Variants in ZNF518A observed in about 807,000 individuals in gnomAD.
The protein encoded by ZNF518A is zinc finger protein 518.
In ZNF518A, 47 loss-of-function variants were observed where a neutral mutation model predicts 102.7. That is an observed-to-expected ratio of 0.46 (90% CI 0.36 to 0.58). The LOEUF (loss-of-function observed/expected upper bound fraction) is 0.58, where lower values mean the gene tolerates loss of function less well. ZNF518A is among the 20% of genes least tolerant of loss of function. The probability of loss-of-function intolerance (pLI) is 0.00; values close to 1 mark genes in which losing one functional copy is unlikely to be tolerated. For synonymous variants in ZNF518A, 652 were observed against 594.6 expected (o/e 1.10, Z -1.40); for missense variants, 1,793 against 1,699.8 (o/e 1.05, Z -0.96).
In ZNF518A at chr10:96,156,726, T is replaced by G; in HGVS notation, c.404T>G (p.Leu135Trp). 1.9e-6 allele frequency: 3 copies of G among 1,613,908 alleles called. No homozygotes were observed. The highest frequency in any genetic ancestry group is 2.5e-6 in the Non-Finnish European group (3 of 1,179,812). The change falls in exon 6 of 6, where the codon TTG (leucine) becomes TGG (tryptophan). Residue 135 changes from leucine to tryptophan, a missense_variant. Around this residue, in one of 3 missense-constraint regions of ZNF518A, gnomAD observed 1,741 missense variants for 1,622.6 expected, o/e 1.07. Transcript: ENST00000316045. ...AACACTCGATATAGCCCAAATGATT[T>G]GCAGAAACACTTTCAAATGTGGCAC... ...RDNTRYSPND[L>W]QKHFQMWHHG...
At chr10:96,177,361 A>C (rs1418301492) in intron 1 of ZNF518A, among the ~76,000 whole-genome samples, 1 of 152,218 alleles carries the variant, frequency 6.6e-6, no homozygotes, top group Non-Finnish European at 1.5e-5. Context: ...AATTCAGCAC[A>C]ACTGCGCTAC....
In ZNF518A at chr10:96,159,963, G is replaced by T; in HGVS notation, c.3641G>T (p.Cys1214Phe). The change falls in exon 6 of 6, where the codon TGC (cysteine) becomes TTC (phenylalanine). Residue 1214 changes from cysteine (C) to phenylalanine (F), a missense_variant. Physicochemically the swap from Cys to Phe is radical, Grantham distance 205 (BLOSUM62 -2). This residue lies in a region of ZNF518A where 1,741 missense variants were observed against 1,622.6 expected (regional missense o/e 1.07). Transcript: ENST00000316045. ...ATTGTGATAACTTCTACTGCAACAT[G>T]CCCAGAATCTTCTGAGGAACCAATA... ...NEIVITSTAT[C>F]PESSEEPICV... 4 of 1,613,488 alleles carry T rather than the reference G, an allele frequency of 2.5e-6. No homozygotes were observed. In the African/African-American group the frequency reaches 4.0e-5, roughly 16 times the overall value.
chr10:96,171,716 A>T (rs1242542713), intron 1 of ZNF518A, among the ~76,000 whole-genome samples: 1 of 152,212 alleles, frequency 6.6e-6, no homozygotes, highest in African/African-American at 2.4e-5. Flanking sequence ...GGACACCATT[A>T]AGGGCAACAT....
At chr10:96,193,654 A>G (rs141142020) in intron 1 of ZNF518A, among the ~76,000 whole-genome samples, 1,892 of 152,308 alleles carry the variant, frequency 0.012, 18 homozygotes, top group Middle Eastern at 0.024. Flanking sequence ...TGTATTTGAG[A>G]CAGATACATT....
chr10:96,179,681 TGACA>T (rs2083226771), intron 1 of ZNF518A, among the ~76,000 whole-genome samples: 1 of 152,220 alleles, frequency 6.6e-6, no homozygotes, highest in Non-Finnish European at 1.5e-5. Flanking sequence ...ACATACATAC[TGACA>T]GACATACAGC....
At chr10:96,132,339 T>C (rs1167710371) in intron 1 of ZNF518A, among the ~76,000 whole-genome samples, 1 of 151,924 alleles carries the variant, frequency 6.6e-6, no homozygotes, top group Non-Finnish European at 1.5e-5. Context: ...TGGGCAAGGC[T>C]CATTTTCTTT....
chr10:96,204,814 C>CA (rs1488927000), downstream of ZNF518A: 2 of 578,330 alleles, frequency 3.5e-6, no homozygotes, highest in Non-Finnish European at 6.3e-6. Flanking sequence ...GACTCCCTCC[C>CA]AGCAGTGTTA....
chr10:96,133,330 A>G (rs1554872975), intron 2 of ZNF518A, among the ~76,000 whole-genome samples: 1 of 152,166 alleles, frequency 6.6e-6, no homozygotes, highest in Non-Finnish European at 1.5e-5. Context: ...ATGTGTTTAT[A>G]TTATGACTAA....
chr10:96,205,192 G>T (rs2083764610), downstream of ZNF518A: 1 of 157,506 alleles, frequency 6.3e-6, no homozygotes, highest in Non-Finnish European at 1.4e-5. Context: ...AGGAAAGGGT[G>T]GGAAATGAGC....
chr10:96,164,835 T>A (rs10509704), downstream of ZNF518A, among the ~76,000 whole-genome samples: 46,621 of 152,134 alleles, frequency 0.31, 8,265 homozygotes, highest in East Asian at 0.67. Context: ...TTTTTCCATA[T>A]ACTTCAAAGT....
At chr10:96,148,352 A>T (rs1554879231) in intron 3 of ZNF518A, among the ~76,000 whole-genome samples, 1 of 152,126 alleles carries the variant, frequency 6.6e-6, no homozygotes, top group Admixed American at 6.5e-5. Flanking sequence ...AGGCAGGAGA[A>T]TCGCTTGAAC....
chr10:96,200,148 A>T lies in ZNF518A; in HGVS notation n.36-3426A>T. 1 of 1,614,112 alleles carries T rather than the reference A, an allele frequency of 6.2e-7. No individual in the cohort carries two copies. Among genetic ancestry groups the T allele is most frequent in the Non-Finnish European group, 8.5e-7 (1 of 1,180,008 alleles). On this transcript the variant is annotated intron_variant and non_coding_transcript_variant, in intron 1 of 2. Transcript: ENST00000442635. This position sits in a 1 kb window ranked among gnomAD's most constrained non-coding sequence, Gnocchi z 4.3. ...TCCAGCATACCATGGCTTGCAGAGA[A>T]CGCCAGCTTCCTGTGAAATGGAGGG...
At chr10:96,197,519 T>G (rs1381276473) in intron 1 of ZNF518A, among the ~76,000 whole-genome samples, 2 of 152,164 alleles carry the variant, frequency 1.3e-5, no homozygotes, top group Non-Finnish European at 2.9e-5. Flanking sequence ...TTATAAAATT[T>G]AGAAATATGT....
chr10:96,197,451 T>C (rs2083496674), intron 1 of ZNF518A, among the ~76,000 whole-genome samples: 1 of 152,146 alleles, frequency 6.6e-6, no homozygotes, highest in Non-Finnish European at 1.5e-5. Flanking sequence ...ACTACTGGCA[T>C]GCACCACCAT....
rs374199837 is a variant in ZNF518A at position 96,159,314 on chromosome 10, G to T, written c.2992G>T (p.Ala998Ser). The change falls in exon 6 of 6, where the codon GCC becomes TCC. Residue 998 changes from alanine to serine, a missense_variant. By Grantham distance (99) the Ala-to-Ser change is moderately conservative (BLOSUM62 1). Around this residue, in one of 3 missense-constraint regions of ZNF518A, gnomAD observed 1,741 missense variants for 1,622.6 expected, o/e 1.07. Transcript: ENST00000316045. ...TGTTTCCGCTGTCAAAACCGAGGGT[G>T]CCCCAGCTCGTGGAACTGTGACTAA... Reference protein sequence around the residue: ...EGVSAVKTEGAPARGTVTKEP... With the variant: ...EGVSAVKTEGSPARGTVTKEP... 1.1e-5 allele frequency: 18 copies of T among 1,613,378 alleles called. No homozygotes were observed. Among genetic ancestry groups the T allele is most frequent in the Non-Finnish European group, 1.4e-5 (17 of 1,179,672 alleles).
chr10:96,134,421 A>G (rs1314277987), intron 3 of ZNF518A, among the ~76,000 whole-genome samples: 7 of 151,944 alleles, frequency 4.6e-5, no homozygotes, highest in East Asian at 3.9e-4. Flanking sequence ...TTTAGTGGAG[A>G]CGAGGCTTCG....
In ZNF518A at chr10:96,163,256, C is replaced by T. The variant is rs1410626186; in HGVS notation, c.*2482C>T. 1 of 166,752 alleles carries T rather than the reference C, an allele frequency of 6.0e-6. No individual in the cohort carries two copies. Among genetic ancestry groups the T allele is most frequent in the African/African-American group, 2.4e-5 (1 of 41,450 alleles). The allele number at this position is 166,752 out of a possible 1,614,324, so 10.3% of individuals were successfully genotyped here. ...CTTAAGTTATTCTGAGGGAGGCAGA[C>T]CTGCTTAGAGTTTCATTATTGCCAT... On this transcript the variant is annotated 3_prime_UTR_variant, in exon 6 of 6. Transcript: ENST00000316045.
chr10:96,181,117 G>A (rs1186014872), intron 1 of ZNF518A, among the ~76,000 whole-genome samples: 2 of 152,196 alleles, frequency 1.3e-5, no homozygotes, highest in Admixed American at 6.5e-5. Flanking sequence ...ACTTTTTCAT[G>A]TGTCTGTTGG....
chr10:96,192,187 AG>A, intron 1 of ZNF518A: 1 of 1,519,198 alleles, frequency 6.6e-7, no homozygotes, highest in Non-Finnish European at 9.0e-7. Context: ...AGTTAGTAAA[AG>A]TTATTACACC....
Sources: gnomAD v4.1 joint callset for allele counts (sites outside exome capture counted in the v4.1 genomes callset) on GRCh38, gnomAD v4.1.1 for gene constraint, gnomAD v4.1.1 regional missense constraint, Gnocchi (gnomAD v3.1) non-coding constraint, MANE v1.5 for transcripts, NCBI Gene and HGNC (gene_info 2026-07-23, HGNC 2026-07-21) for gene names.